The following ACSBG2 variants were observed in gnomAD, a reference collection of about 807,000 sequenced individuals.
ACSBG2 encodes acyl-CoA synthetase bubblegum family member 2, also known as long-chain-fatty-acid--CoA ligase ACSBG2.
ACSBG2 carries 62 observed loss-of-function variants against 74.7 expected under a neutral mutation model. The observed-to-expected ratio is 0.83, with a 90% confidence interval of 0.68 to 1.03. The LOEUF (loss-of-function observed/expected upper bound fraction) is 1.03, where lower values mean the gene tolerates loss of function less well. Ranked by LOEUF, ACSBG2 falls within the 50% of genes least tolerant of loss-of-function variation. The pLI, the probability that ACSBG2 is intolerant of heterozygous loss-of-function variation, is 0.00. For synonymous variants in ACSBG2, 309 were observed against 294.1 expected, an observed-to-expected ratio of 1.05 and a Z score of -0.52; for missense variants, 730 against 817.6, an observed-to-expected ratio of 0.89 and a Z score of 1.31.
At chr19:6,156,662 A>G (rs1435739409) in intron 5 of ACSBG2, 111 bp downstream of exon 5, 4 of 1,230,524 alleles carry the variant, frequency 3.3e-6, no homozygotes, top group Non-Finnish European at 4.3e-6. Flanking sequence ...AGGGCCATGC[A>G]TCTGTTCAGC....
chr19:6,184,945 C>CA (rs1470789612), intron 10 of ACSBG2, among the ~76,000 whole-genome samples: 4 of 143,576 alleles, frequency 2.8e-5, no homozygotes, highest in African/African-American at 1.0e-4. Context: ...TTTTTTGAGA[C>CA]AGAGTCTTGC....
intron 14 of ACSBG2, chr19:6,191,730 A>G (rs1273832168): frequency 6.6e-6 from 1 of 152,200 alleles, no homozygotes; most frequent in Non-Finnish European, 1.5e-5. Context: ...GGACTTCAAC[A>G]TGTGAATTGT....
At chr19:6,185,866 G>A (rs906941464) in intron 11 of ACSBG2, among the ~76,000 whole-genome samples, 2 of 152,096 alleles carry the variant, frequency 1.3e-5, no homozygotes, top group African/African-American at 4.8e-5. Flanking sequence ...CCACCCTCAG[G>A]AGGATGGACC....
chr19:6,179,183 C>G (rs2090173182), intron 8 of ACSBG2, among the ~76,000 whole-genome samples: 1 of 151,814 alleles, frequency 6.6e-6, no homozygotes, highest in Non-Finnish European at 1.5e-5. Context: ...CCCCTATTTT[C>G]TGGGGTCTTT....
At chr19:6,147,118 G>GA (rs921513984) in intron 2 of ACSBG2, among the ~76,000 whole-genome samples, 28 of 145,610 alleles carry the variant, frequency 1.9e-4, no homozygotes, top group East Asian at 4.0e-4. Context: ...AAGAAAGAAA[G>GA]AAAAAAAAAA....
intron 13 of ACSBG2, chr19:6,190,282 G>T (rs1478447233): frequency 3.6e-6 from 1 of 277,764 alleles, no homozygotes; most frequent in Non-Finnish European, 7.1e-6. Flanking sequence ...CTGTAAAATG[G>T]GGATAGGGGT....
intron 6 of ACSBG2, chr19:6,161,593 A>G (rs1026938848): frequency 3.2e-5 from 9 of 284,286 alleles, no homozygotes; most frequent in Non-Finnish European, 6.2e-5. Flanking sequence ...GGAGGTAAGC[A>G]GAGATGGAAT....
Position 6,165,926 on chromosome 19 carries a change from G to T in ACSBG2, c.649G>T (p.Glu217Ter). 6.2e-7 allele frequency: 1 copy of T among 1,614,128 alleles called. No individual in the cohort carries two copies. The part of the protein sequence containing the change: ...IPDTQLEQVI[E>*]SQKANQCAVL... ...TGACACCCAACTGGAGCAGGTCATC[G>T]AGAGCCAGAAGGCGAATCAATGCGC... The change falls in exon 7 of 15, where the codon GAG becomes TAG. Residue 217 changes from glutamate to a stop codon, truncating the protein, a stop_gained. Transcript: ENST00000588485. LOFTEE classifies it high-confidence loss of function.
At chr19:6,173,212 G>T (rs1401340381) in intron 7 of ACSBG2, among the ~76,000 whole-genome samples, 1 of 152,176 alleles carries the variant, frequency 6.6e-6, no homozygotes, top group Non-Finnish European at 1.5e-5. Flanking sequence ...GAGGCTCACT[G>T]GTCCCTTGTG....
chr19:6,177,521 C>A, intron 8 of ACSBG2, 125 bp downstream of exon 8: 2 of 986,650 alleles, frequency 2.0e-6, no homozygotes, highest in Non-Finnish European at 2.9e-6. Context: ...TTTATCTCTG[C>A]CCTCATCTTA....
chr19:6,172,656 G>C (rs1317182361), intron 7 of ACSBG2, among the ~76,000 whole-genome samples: 1 of 152,224 alleles, frequency 6.6e-6, no homozygotes, highest in African/African-American at 2.4e-5. Flanking sequence ...ATCTCCTGCA[G>C]GACTGAGGGT....
intron 3 of ACSBG2, among the ~76,000 whole-genome samples, chr19:6,151,127 A>T (rs1435007877): frequency 1.3e-5 from 2 of 152,020 alleles, no homozygotes; most frequent in Admixed American, 1.3e-4. Context: ...AAAAAAAAAA[A>T]AAGAAAATGG....
At chr19:6,189,527 GTTTT>G (rs111858148) in intron 13 of ACSBG2, among the ~76,000 whole-genome samples, 1 of 148,084 alleles carries the variant, frequency 6.8e-6, no homozygotes, top group Non-Finnish European at 1.5e-5. Flanking sequence ...ACTGAGTCTT[GTTTT>G]TTTTTTGTTT....
chr19:6,151,862 G>C, intron 4 of ACSBG2, 67 bp downstream of exon 4: 1 of 1,467,806 alleles, frequency 6.8e-7, no homozygotes, highest in Non-Finnish European at 9.3e-7. Context: ...GGACCCCTGG[G>C]CTTGTCCAGT....
In ACSBG2 at chr19:6,190,542, C is replaced by CT. The variant is rs774455815; in HGVS notation, c.1928-38dup. Reference sequence around the variant, plus strand: ...GTCATGCATGGGTGTGTGTAATTTTCTTTTATCTCCACAACTCAATTGATT... The same window carrying CT: ...GTCATGCATGGGTGTGTGTAATTTTCTTTTTATCTCCACAACTCAATTGATT... On this transcript the variant is annotated intron_variant, in intron 13 of 14. Transcript: ENST00000588485. The CT allele has an allele frequency of 3.2e-6, 5 of 1,574,508 alleles. No homozygotes were observed. The African/African-American group carries it at 6.8e-5, about 21-fold the overall frequency.
chr19:6,181,824 C>CCCCAA (rs1555696868), intron 8 of ACSBG2, among the ~76,000 whole-genome samples: 1 of 129,698 alleles, frequency 7.7e-6, no homozygotes, highest in Non-Finnish European at 1.6e-5. Context: ...CCCCCCCCCC[C>CCCCAA]AACGAAATTT....
chr19:6,169,470 A>T (rs1044161032), intron 7 of ACSBG2, among the ~76,000 whole-genome samples: 1 of 152,200 alleles, frequency 6.6e-6, no homozygotes, highest in Non-Finnish European at 1.5e-5. Context: ...TACCAGTACC[A>T]TGCTGTTTTA....
rs142547953 is a variant in ACSBG2 at position 6,143,087 on chromosome 19, G to T, written c.67+1477G>T. Among the ~76,000 whole-genome samples the T allele has an allele frequency of 8.1e-3, 1,235 of 152,234 alleles. 7 individuals carry two copies. The highest frequency in any genetic ancestry group is 0.012 in the East Asian group (62 of 5,176). On this transcript the variant is annotated intron_variant, in intron 2 of 14. Coordinates refer to ENST00000588485, the MANE Select transcript of ACSBG2 (RefSeq NM_030924.5). ...CTACAAAAATTAGCCAGGTGTGGTGGCACATGCCTGGATTATAGTGAGTCT... is the reference window on the plus strand; with the variant it reads ...CTACAAAAATTAGCCAGGTGTGGTGTCACATGCCTGGATTATAGTGAGTCT...
chr19:6,181,846 T>G (rs1401222351), intron 8 of ACSBG2, among the ~76,000 whole-genome samples: 2 of 121,328 alleles, frequency 1.6e-5, no homozygotes, highest in Admixed American at 1.1e-4. Context: ...CTTGGCATTT[T>G]GTTGAAAATC....
Sources: gnomAD v4.1 joint callset for allele counts (sites outside exome capture counted in the v4.1 genomes callset) on GRCh38, gnomAD v4.1.1 for gene constraint, MANE v1.5 for transcripts, NCBI Gene and HGNC (gene_info 2026-07-23, HGNC 2026-07-21) for gene names.